ADAMTS17: variants seen among roughly 807,000 people sequenced by gnomAD.
ADAMTS17 encodes ADAM metallopeptidase with thrombospondin type 1 motif 17.
Under a neutral mutation model 141.5 loss-of-function variants are expected in ADAMTS17, and 113 were observed. The observed-to-expected ratio is 0.80, with a 90% confidence interval of 0.69 to 0.93. The LOEUF is 0.93. Among genes scored for constraint, ADAMTS17 ranks in the 40% least tolerant of loss-of-function variants. ADAMTS17 has a pLI of 0.00. For missense variants in ADAMTS17, 1,659 were observed against 1,517.9 expected (o/e 1.09, Z -1.54); for synonymous variants, 768 against 630.6 (o/e 1.22, Z -3.27).
chr15:100,268,268 CATGT>C (rs1262483415), intron 4 of ADAMTS17, among the ~76,000 whole-genome samples: 1 of 152,096 alleles, frequency 6.6e-6, no homozygotes, highest in East Asian at 1.9e-4. Context: ...CATATGCATG[CATGT>C]GTTTTTATGG....
intron 7 of ADAMTS17, among the ~76,000 whole-genome samples, chr15:100,236,948 C>T (rs973070008): frequency 6.6e-6 from 1 of 152,182 alleles, no homozygotes; most frequent in African/African-American, 2.4e-5. Context: ...CGGCTGAATC[C>T]CATGGTTCCC....
intron 8 of ADAMTS17, among the ~76,000 whole-genome samples, chr15:100,171,391 A>C (rs999774789): frequency 3.3e-5 from 5 of 152,130 alleles, no homozygotes; most frequent in African/African-American, 9.7e-5. Flanking sequence ...CAGGGGCAGG[A>C]GTGCATCCTC....
At chr15:99,994,790 C>T (rs1567654617) in intron 19 of ADAMTS17, among the ~76,000 whole-genome samples, 1 of 152,232 alleles carries the variant, frequency 6.6e-6, no homozygotes. Context: ...TGGTCTCAAT[C>T]TCCTGACTCG....
At chr15:100,291,328 G>A (rs2044617882) in intron 3 of ADAMTS17, among the ~76,000 whole-genome samples, 1 of 152,158 alleles carries the variant, frequency 6.6e-6, no homozygotes, top group Admixed American at 6.5e-5. Flanking sequence ...AATGGCTATT[G>A]TTAAAAAGTA....
chr15:100,284,337 T>C (rs1462584924), intron 3 of ADAMTS17, among the ~76,000 whole-genome samples: 3 of 152,148 alleles, frequency 2.0e-5, no homozygotes, highest in African/African-American at 4.8e-5. Flanking sequence ...ATGACTGTCA[T>C]TGGCTCCTTT....
At chr15:100,078,190 C>A (rs181187632) in intron 15 of ADAMTS17, among the ~76,000 whole-genome samples, 1 of 149,360 alleles carries the variant, frequency 6.7e-6, no homozygotes, top group African/African-American at 2.5e-5. Flanking sequence ...ACAGATTCAA[C>A]GTAATCCCTA....
intron 3 of ADAMTS17, among the ~76,000 whole-genome samples, chr15:100,322,005 C>T (rs76453397): frequency 0.094 from 14,245 of 152,204 alleles, 1,114 homozygotes; most frequent in Admixed American, 0.25. Flanking sequence ...CAATGACATA[C>T]GGAATTCAGT....
intron 18 of ADAMTS17, among the ~76,000 whole-genome samples, chr15:100,041,945 A>G (rs1051433019): frequency 1.3e-5 from 2 of 152,172 alleles, no homozygotes; most frequent in African/African-American, 4.8e-5. Context: ...TAACAATAAC[A>G]TAGAAAGGCT....
At chr15:100,241,505 C>A (rs978078362) in intron 7 of ADAMTS17, among the ~76,000 whole-genome samples, 1 of 152,232 alleles carries the variant, frequency 6.6e-6, no homozygotes, top group Non-Finnish European at 1.5e-5. Context: ...AGTGTCTCAA[C>A]ACACTTTACT....
At chr15:100,130,053 C>T (rs12595038) in intron 12 of ADAMTS17, among the ~76,000 whole-genome samples, 53,557 of 152,090 alleles carry the variant, frequency 0.35, 9,708 homozygotes, top group East Asian at 0.48. Context: ...CATCTACCCA[C>T]CTATGCCCTT....
chr15:100,241,409 A>G (rs2042823291), intron 7 of ADAMTS17, among the ~76,000 whole-genome samples: 1 of 152,206 alleles, frequency 6.6e-6, no homozygotes, highest in Admixed American at 6.5e-5. Context: ...ACCTCGAAGT[A>G]TTTCAAGGGC....
At position 100,144,375 on chromosome 15, in the gene ADAMTS17, C is replaced by A. The variant is rs567360082; in HGVS notation, c.1473+8237G>T. 1.5e-3 allele frequency among the ~76,000 whole-genome samples: 223 copies of A among 152,274 alleles called. 1 individual carries two copies. Among genetic ancestry groups the A allele is most frequent in the Non-Finnish European group, 2.9e-3 (199 of 68,024 alleles). On this transcript the variant is annotated intron_variant, in intron 10 of 21. Coordinates refer to ENST00000268070, the MANE Select transcript of ADAMTS17 (RefSeq NM_139057.4). ...GACCAGCCTGGCCAACATGGCAAAA[C>A]CCTGTCTCTACTAAAAATACAAAAA... is the stretch of plus-strand genomic sequence containing the variant.
In ADAMTS17 at chr15:100,150,741, C is replaced by A. The variant is rs375520902; in HGVS notation, c.1473+1871G>T. ...GGCCCGCCACATCTCACTGGCCCTGCGGAGGACTCCACAGTGGGCAGAGTG... is the reference window on the plus strand; with the variant it reads ...GGCCCGCCACATCTCACTGGCCCTGAGGAGGACTCCACAGTGGGCAGAGTG... On this transcript the variant is annotated intron_variant, in intron 10 of 21. Transcript: ENST00000268070. Among the ~76,000 whole-genome samples, 21 of 152,306 alleles carry A rather than the reference C, an allele frequency of 1.4e-4. No homozygotes were observed. The East Asian group carries it at 3.7e-3, about 27-fold the overall frequency.
intron 10 of ADAMTS17, among the ~76,000 whole-genome samples, chr15:100,140,480 C>CATATATATATATATATATATAT (rs1466321506): frequency 3.7e-5 from 2 of 53,806 alleles, no homozygotes; most frequent in Non-Finnish European, 9.6e-5. Flanking sequence ...GACACACACA[C>CATATATATATATATATATATAT]ATACATACAT....
chr15:100,017,472 G>A (rs573428036), intron 18 of ADAMTS17, among the ~76,000 whole-genome samples: 7 of 152,312 alleles, frequency 4.6e-5, no homozygotes, highest in East Asian at 1.9e-4. Flanking sequence ...CCTCCCTCCC[G>A]ATGGATCCCT....
At position 99,973,200 on chromosome 15, in the gene ADAMTS17, CAAG is replaced by C. The variant is rs985453208; in HGVS notation, c.*1199_*1201del. On this transcript the variant is annotated 3_prime_UTR_variant, in exon 22 of 22. Transcript: ENST00000268070. ...TCATCATGCATCATCCTTGCCCCAC[CAAG>C]AAGATGGGTCAATGATGACAGGCGT... 2 of 152,070 alleles carry C rather than the reference CAAG, an allele frequency of 1.3e-5. No homozygotes were observed. Among genetic ancestry groups the C allele is most frequent in the African/African-American group, 4.8e-5 (2 of 41,370 alleles). 9.4% of individuals were successfully genotyped at this position (152,070 alleles called of 1,614,324 possible). A position where few individuals can be genotyped will look rare whatever the true frequency, so the allele number is the denominator to read the frequency against.
At chr15:100,249,536 A>G (rs1405328061) in intron 7 of ADAMTS17, among the ~76,000 whole-genome samples, 1 of 152,168 alleles carries the variant, frequency 6.6e-6, no homozygotes, top group Non-Finnish European at 1.5e-5. Flanking sequence ...GTCACTCCCC[A>G]GCCGTGGTGG....
At chr15:100,305,548 G>GC (rs1188050709) in intron 3 of ADAMTS17, among the ~76,000 whole-genome samples, 1 of 152,234 alleles carries the variant, frequency 6.6e-6, no homozygotes, top group Non-Finnish European at 1.5e-5. Flanking sequence ...TAGAGGGCAG[G>GC]CAGGTGCACC....
At chr15:100,037,836 G>A (rs2030892185) in intron 18 of ADAMTS17, among the ~76,000 whole-genome samples, 1 of 152,054 alleles carries the variant, frequency 6.6e-6, no homozygotes, top group Non-Finnish European at 1.5e-5. Context: ...GTGCAGTGGT[G>A]CAATCTCAAT....
Sources: gnomAD v4.1 joint callset for allele counts (sites outside exome capture counted in the v4.1 genomes callset) on GRCh38, gnomAD v4.1.1 for gene constraint, MANE v1.5 for transcripts, NCBI Gene and HGNC (gene_info 2026-07-23, HGNC 2026-07-21) for gene names.